GABRB1: variants seen among roughly 807,000 people sequenced by gnomAD.
GABRB1 encodes gamma-aminobutyric acid type A receptor subunit beta1.
GABRB1 carries 17 observed loss-of-function variants against 51.6 expected under a neutral mutation model. The ratio of observed to expected loss-of-function variants is 0.33; its 90% CI spans 0.23 to 0.49. GABRB1 has a LOEUF of 0.49. GABRB1 is among the 20% of genes least tolerant of loss of function. The pLI is 0.99. For missense variants in GABRB1, 410 were observed against 600.6 expected (o/e 0.68, Z 3.32); for synonymous variants, 247 against 218.9 (o/e 1.13, Z -1.14).
intron 4 of GABRB1, among the ~76,000 whole-genome samples, chr4:47,198,736 T>G (rs1255187670): frequency 5.3e-5 from 8 of 152,176 alleles, no homozygotes; most frequent in Non-Finnish European, 1.2e-4. Context: ...TAGTACATTC[T>G]CCTGCTGCTA....
At chr4:47,356,665 A>G (rs1726589300) in intron 5 of GABRB1, among the ~76,000 whole-genome samples, 1 of 152,190 alleles carries the variant, frequency 6.6e-6, no homozygotes, top group African/African-American at 2.4e-5. Context: ...CATAAACCTT[A>G]ATAGAAATGG....
Position 47,426,103 on chromosome 4 carries a change from TTCTCGA to T in GABRB1, c.*86_*91del. The T allele has an allele frequency of 3.6e-6, 4 of 1,112,218 alleles. No individual in the cohort carries two copies. Among genetic ancestry groups the T allele is most frequent in the Non-Finnish European group, 5.1e-6 (4 of 781,872 alleles). The allele number at this position is 1,112,218 out of a possible 1,614,324, so 68.9% of individuals were successfully genotyped here. On this transcript the variant is annotated 3_prime_UTR_variant, in exon 9 of 9. Coordinates refer to ENST00000295454, the MANE Select transcript of GABRB1 (RefSeq NM_000812.4). ...AGGTCCCCAACAGCGATACTGCTGT[TTCTCGA>T]GGTAAGAGATTCAGCCATCCAATTG...
intron 3 of GABRB1, among the ~76,000 whole-genome samples, chr4:47,100,103 C>T (rs960266594): frequency 2.0e-5 from 3 of 151,796 alleles, no homozygotes; most frequent in Non-Finnish European, 1.5e-5. Context: ...AAAAAGAATG[C>T]TATTTTGCTT....
intron 4 of GABRB1, among the ~76,000 whole-genome samples, chr4:47,292,953 T>A (rs1040916259): frequency 4.6e-5 from 7 of 152,248 alleles, no homozygotes; most frequent in African/African-American, 1.7e-4. Flanking sequence ...AACCTTTTAA[T>A]ATTGTTACAA....
At position 47,277,272 on chromosome 4, in the gene GABRB1, A is replaced by G. The variant is rs865873336; in HGVS notation, c.462-42855A>G. On this transcript the variant is annotated intron_variant, in intron 4 of 8. Coordinates refer to ENST00000295454, the MANE Select transcript of GABRB1 (RefSeq NM_000812.4). ...AATAAGCCAGGCATAAGGAAGACAA[A>G]CATCACATGTTCTCACTTATTTGTG... Among the ~76,000 whole-genome samples, 3 of 152,116 alleles carry G rather than the reference A, an allele frequency of 2.0e-5. No homozygotes were observed. The South Asian group carries it at 6.2e-4, about 32-fold the overall frequency.
chr4:47,244,486 G>T (rs1261283173), intron 4 of GABRB1, among the ~76,000 whole-genome samples: 1 of 152,158 alleles, frequency 6.6e-6, no homozygotes, highest in Non-Finnish European at 1.5e-5. Flanking sequence ...ACCTCTGGTA[G>T]AATTCAGCTG....
At chr4:47,393,670 C>A (rs542663453) in intron 5 of GABRB1, among the ~76,000 whole-genome samples, 34 of 152,310 alleles carry the variant, frequency 2.2e-4, no homozygotes, top group African/African-American at 7.9e-4. Context: ...CATCATCCAA[C>A]CTTTATATTA....
At chr4:47,337,808 TAAAAAAAAAAAA>T (rs1170540924) in intron 5 of GABRB1, among the ~76,000 whole-genome samples, 3 of 84,486 alleles carry the variant, frequency 3.6e-5, no homozygotes, top group Non-Finnish European at 6.7e-5. Context: ...AGACTCTGTC[TAAAAAAAAAAAA>T]AAAAAAAAAA....
intron 4 of GABRB1, among the ~76,000 whole-genome samples, chr4:47,279,500 GA>G (rs1449588899): frequency 6.6e-6 from 1 of 152,100 alleles, no homozygotes; most frequent in Non-Finnish European, 1.5e-5. Context: ...GGAAAAGTTT[GA>G]AAACCATTAA....
At chr4:47,317,757 T>C (rs765829314) in intron 4 of GABRB1, among the ~76,000 whole-genome samples, 1 of 151,764 alleles carries the variant, frequency 6.6e-6, no homozygotes, top group Non-Finnish European at 1.5e-5. Flanking sequence ...TTTTTCTTTT[T>C]CCTTTAGGAA....
intron 4 of GABRB1, among the ~76,000 whole-genome samples, chr4:47,208,528 T>C (rs892005288): frequency 1.3e-5 from 2 of 152,114 alleles, no homozygotes; most frequent in African/African-American, 4.8e-5. Flanking sequence ...TTTAAAAAAG[T>C]AATATAATAT....
At chr4:47,191,986 A>T (rs948648985) in intron 4 of GABRB1, among the ~76,000 whole-genome samples, 4 of 152,150 alleles carry the variant, frequency 2.6e-5, no homozygotes, top group African/African-American at 9.7e-5. Flanking sequence ...CCATTTAAAG[A>T]CTTTAAAGCA....
chr4:47,290,462 G>A (rs559666392), intron 4 of GABRB1, among the ~76,000 whole-genome samples: 16 of 152,316 alleles, frequency 1.1e-4, no homozygotes, highest in Middle Eastern at 3.4e-3. Context: ...TACCAGTAGA[G>A]TGGGGCATTC....
chr4:47,389,891 C>A (rs1578140340), intron 5 of GABRB1, among the ~76,000 whole-genome samples: 1 of 152,188 alleles, frequency 6.6e-6, no homozygotes, highest in African/African-American at 2.4e-5. Context: ...GAGTGGTAGA[C>A]CACTATGCTT....
intron 8 of GABRB1, among the ~76,000 whole-genome samples, chr4:47,407,959 G>T (rs746966100): frequency 2.6e-5 from 4 of 152,152 alleles, no homozygotes; most frequent in Non-Finnish European, 5.9e-5. Context: ...GGGCATTGTG[G>T]TGTTTGCCTG....
At chr4:46,994,940 T>G (rs919277933) in intron 1 of GABRB1, among the ~76,000 whole-genome samples, 12 of 152,192 alleles carry the variant, frequency 7.9e-5, no homozygotes, top group Admixed American at 3.9e-4. Context: ...ATTCAAGTTT[T>G]CTTTCTAAGG....
At chr4:47,262,066 G>T (rs1247629115) in intron 4 of GABRB1, among the ~76,000 whole-genome samples, 1 of 151,432 alleles carries the variant, frequency 6.6e-6, no homozygotes, top group African/African-American at 2.4e-5. Context: ...AGACTTAAAT[G>T]TTAGACCTAA....
chr4:47,037,527 C>T (rs183472065), intron 3 of GABRB1, among the ~76,000 whole-genome samples: 24 of 140,938 alleles, frequency 1.7e-4, no homozygotes, highest in Non-Finnish European at 3.0e-4. Flanking sequence ...TATATATATT[C>T]GTTTTTTTTT....
At chr4:47,214,576 T>G (rs979042478) in intron 4 of GABRB1, among the ~76,000 whole-genome samples, 1 of 152,206 alleles carries the variant, frequency 6.6e-6, no homozygotes, top group African/African-American at 2.4e-5. Context: ...TGAACTTCAA[T>G]TGTATTTTCA....
Sources: gnomAD v4.1 joint callset for allele counts (sites outside exome capture counted in the v4.1 genomes callset) on GRCh38, gnomAD v4.1.1 for gene constraint, MANE v1.5 for transcripts, NCBI Gene and HGNC (gene_info 2026-07-23, HGNC 2026-07-21) for gene names.